DCC: variants seen among roughly 807,000 people sequenced by gnomAD.
DCC encodes the protein DCC netrin 1 receptor.
DCC carries 58 observed loss-of-function variants against 172.5 expected under a neutral mutation model. That is an observed-to-expected ratio of 0.34 (90% CI 0.27 to 0.42). The LOEUF (loss-of-function observed/expected upper bound fraction) is 0.42, where lower values mean the gene tolerates loss of function less well. DCC is among the 10% of genes least tolerant of loss of function. DCC has a pLI of 1.00. For synonymous variants in DCC, 709 were observed against 644.5 expected (o/e 1.10, Z -1.52); for missense variants, 1,740 against 1,791.0 (o/e 0.97, Z 0.51).
At chr18:53,074,221 G>A in intron 7 of DCC, among the ~76,000 whole-genome samples, 1 of 152,012 alleles carries the variant, frequency 6.6e-6, no homozygotes, top group African/African-American at 2.4e-5. Context: ...ATTGTCCCTG[G>A]AGTTCTGTAA....
intron 1 of DCC, among the ~76,000 whole-genome samples, chr18:52,710,804 G>T (rs2036280886): frequency 6.6e-6 from 1 of 152,174 alleles, no homozygotes; most frequent in African/African-American, 2.4e-5. Flanking sequence ...CCGGCCAAAA[G>T]TAGAAAACTA....
intron 12 of DCC, among the ~76,000 whole-genome samples, chr18:53,260,703 T>C (rs2056585523): frequency 6.6e-6 from 1 of 152,180 alleles, no homozygotes; most frequent in African/African-American, 2.4e-5. Context: ...AGCCATGTGC[T>C]GGGAGAACCA....
At chr18:52,631,275 G>T (rs1014851625) in intron 1 of DCC, among the ~76,000 whole-genome samples, 1 of 151,934 alleles carries the variant, frequency 6.6e-6, no homozygotes, top group African/African-American at 2.4e-5. Context: ...ATAGCCGCAG[G>T]CTTGACTAAT....
At chr18:52,886,326 T>A (rs1460655990) in intron 2 of DCC, among the ~76,000 whole-genome samples, 1 of 152,142 alleles carries the variant, frequency 6.6e-6, no homozygotes, top group Non-Finnish European at 1.5e-5. Context: ...CCAAGAAACT[T>A]GAGCTCTGAC....
At chr18:52,907,249 C>CATGATATGTCATGGATATATAT (rs2039897975) in intron 3 of DCC, among the ~76,000 whole-genome samples, 2 of 144,532 alleles carry the variant, frequency 1.4e-5, no homozygotes, top group Non-Finnish European at 3.0e-5. Context: ...ATCATATATA[C>CATGATATGTCATGGATATATAT]ATGATATGTC....
chr18:52,408,106 C>T (rs894976001), intron 1 of DCC, among the ~76,000 whole-genome samples: 2 of 152,024 alleles, frequency 1.3e-5, no homozygotes, highest in African/African-American at 4.8e-5. Context: ...TATTATTCAT[C>T]CAATAAGCCT....
intron 2 of DCC, among the ~76,000 whole-genome samples, chr18:52,801,194 C>G (rs2037978692): frequency 6.6e-6 from 1 of 152,170 alleles, no homozygotes; most frequent in Non-Finnish European, 1.5e-5. Context: ...TAGAAGTACA[C>G]TCTTCCCTAT....
chr18:52,735,171 G>T (rs1173370462), intron 1 of DCC, among the ~76,000 whole-genome samples: 2 of 152,034 alleles, frequency 1.3e-5, no homozygotes, highest in South Asian at 2.1e-4. Context: ...CTGATTTGTT[G>T]CTGGAAGAAC....
chr18:53,311,320 G>T (rs1235001880), intron 13 of DCC, among the ~76,000 whole-genome samples: 1 of 151,810 alleles, frequency 6.6e-6, no homozygotes, highest in Non-Finnish European at 1.5e-5. Context: ...ACGAGGTTTC[G>T]CCATTTTGGC....
At chr18:52,394,559 G>A (rs895891196) in intron 1 of DCC, among the ~76,000 whole-genome samples, 10 of 151,876 alleles carry the variant, frequency 6.6e-5, no homozygotes, top group Admixed American at 5.9e-4. Context: ...TTACAGGTGT[G>A]AGCCACCACA....
chr18:53,451,943 T>G (rs1348079849), intron 23 of DCC, among the ~76,000 whole-genome samples: 1 of 152,200 alleles, frequency 6.6e-6, no homozygotes, highest in Non-Finnish European at 1.5e-5. Flanking sequence ...AGCTGATTTA[T>G]GAGATTTGAC....
intron 1 of DCC, among the ~76,000 whole-genome samples, chr18:52,389,037 T>A (rs1027833238): frequency 6.6e-6 from 1 of 152,058 alleles, no homozygotes; most frequent in Admixed American, 6.6e-5. Flanking sequence ...GCCCAGTGTG[T>A]ATGGGGAAGA....
At chr18:53,520,334 G>A (rs929850201) in intron 27 of DCC, among the ~76,000 whole-genome samples, 6 of 151,754 alleles carry the variant, frequency 4.0e-5, no homozygotes, top group Non-Finnish European at 5.9e-5. Context: ...CATGCCTGAC[G>A]ACTACATTGC....
chr18:53,490,962 C>T (rs1047372244), intron 26 of DCC, among the ~76,000 whole-genome samples: 7 of 152,020 alleles, frequency 4.6e-5, no homozygotes, highest in African/African-American at 9.7e-5. Context: ...TGATATATTC[C>T]GTCTTGAGGA....
At chr18:53,098,054 C>T (rs1051358465) in intron 7 of DCC, among the ~76,000 whole-genome samples, 1 of 152,106 alleles carries the variant, frequency 6.6e-6, no homozygotes, top group African/African-American at 2.4e-5. Flanking sequence ...TAAAATGCCC[C>T]TGTTCTCTGA....
intron 25 of DCC, among the ~76,000 whole-genome samples, chr18:53,485,522 G>C (rs1333602113): frequency 1.3e-5 from 2 of 151,978 alleles, no homozygotes; most frequent in East Asian, 3.9e-4. Context: ...AATCTGATTA[G>C]CAGAGTCACT....
intron 8 of DCC, among the ~76,000 whole-genome samples, chr18:53,171,886 C>T (rs1396452556): frequency 6.6e-6 from 1 of 151,638 alleles, no homozygotes; most frequent in Non-Finnish European, 1.5e-5. Flanking sequence ...ACAATAGATG[C>T]TGGTGAGGCT....
chr18:52,669,177 C>T (rs2035507985), intron 1 of DCC, among the ~76,000 whole-genome samples: 1 of 152,024 alleles, frequency 6.6e-6, no homozygotes, highest in South Asian at 2.1e-4. Context: ...TGAGTCTGTT[C>T]CTGGGTGGGG....
chr18:52,748,122 A>G (rs2145125753), intron 1 of DCC, among the ~76,000 whole-genome samples: 1 of 152,274 alleles, frequency 6.6e-6, no homozygotes, highest in Non-Finnish European at 1.5e-5. Context: ...TGCGGAATCC[A>G]GCCACCACCG....
Sources: gnomAD v4.1 joint callset for allele counts (sites outside exome capture counted in the v4.1 genomes callset) on GRCh38, gnomAD v4.1.1 for gene constraint, MANE v1.5 for transcripts, NCBI Gene and HGNC (gene_info 2026-07-23, HGNC 2026-07-21) for gene names.